The following B4GALT5 variants were observed in gnomAD, a reference collection of about 807,000 sequenced individuals.
The protein encoded by B4GALT5 is beta-1,4-galactosyltransferase 5.
B4GALT5 carries 11 observed loss-of-function variants against 45.0 expected under a neutral mutation model. The ratio of observed to expected loss-of-function variants is 0.24; its 90% CI spans 0.15 to 0.40. B4GALT5 has a LOEUF of 0.40. Ranked by LOEUF, B4GALT5 falls within the 10% of genes least tolerant of loss-of-function variation. B4GALT5 has a pLI of 1.00. For synonymous variants in B4GALT5, 185 were observed against 182.9 expected, an observed-to-expected ratio of 1.01 and a Z score of -0.09; for missense variants, 337 against 500.2, an observed-to-expected ratio of 0.67 and a Z score of 3.11.
At chr20:49,696,176 C>G (rs2085838870) in intron 1 of B4GALT5, among the ~76,000 whole-genome samples, 1 of 152,158 alleles carries the variant, frequency 6.6e-6, no homozygotes, top group African/African-American at 2.4e-5. Context: ...CTCAATCATT[C>G]AAAGTTTACT....
chr20:49,656,888 T>C (rs904816004), intron 1 of B4GALT5, among the ~76,000 whole-genome samples, 186 bp from the exon 2 acceptor site: 4 of 152,138 alleles, frequency 2.6e-5, no homozygotes, highest in Admixed American at 2.6e-4. Flanking sequence ...TTTGGGTAGC[T>C]AGTAGAGCTT....
chr20:49,682,967 A>G (rs2085770164), intron 1 of B4GALT5, among the ~76,000 whole-genome samples: 1 of 151,882 alleles, frequency 6.6e-6, no homozygotes, highest in South Asian at 2.1e-4. Flanking sequence ...GGTGGTGTGC[A>G]CCTGTAGTCC....
chr20:49,687,188 G>C (rs1024387269), intron 1 of B4GALT5, among the ~76,000 whole-genome samples: 2 of 152,172 alleles, frequency 1.3e-5, no homozygotes, highest in Admixed American at 1.3e-4. Flanking sequence ...GCACAGGACA[G>C]CCTCAACAAC....
intron 1 of B4GALT5, among the ~76,000 whole-genome samples, chr20:49,694,765 CTGCCTTTGCATA>C (rs1444982513): frequency 3.9e-5 from 6 of 152,098 alleles, no homozygotes; most frequent in African/African-American, 1.2e-4. Flanking sequence ...AACCTGAACT[CTGCCTTTGCATA>C]TGCACAATTT....
intron 7 of B4GALT5, 83 bp from the exon 8 acceptor site, chr20:49,637,525 C>A: frequency 1.0e-6 from 1 of 992,446 alleles, no homozygotes; most frequent in South Asian, 1.3e-5. Flanking sequence ...ATGTTACAAG[C>A]TTACCCTGGA....
chr20:49,674,862 A>G (rs951913165), intron 1 of B4GALT5, among the ~76,000 whole-genome samples: 6 of 152,176 alleles, frequency 3.9e-5, no homozygotes, highest in African/African-American at 1.4e-4. Context: ...ATGACTCAGA[A>G]AAGTCCATAA....
chr20:49,676,739 C>T (rs2085739099), intron 1 of B4GALT5, among the ~76,000 whole-genome samples: 1 of 152,254 alleles, frequency 6.6e-6, no homozygotes, highest in Admixed American at 6.5e-5. Context: ...AGTTGGTGAA[C>T]TGCCTCTCTG....
intron 1 of B4GALT5, among the ~76,000 whole-genome samples, chr20:49,667,808 C>T (rs1265302580): frequency 6.6e-6 from 1 of 152,170 alleles, no homozygotes; most frequent in Non-Finnish European, 1.5e-5. Context: ...ATAATGCATC[C>T]CCCAAATTTT....
At chr20:49,667,020 T>C (rs895800945) in intron 1 of B4GALT5, among the ~76,000 whole-genome samples, 1 of 152,114 alleles carries the variant, frequency 6.6e-6, no homozygotes, top group Non-Finnish European at 1.5e-5. Flanking sequence ...GAGAGGCAGG[T>C]TGTTACCATC....
intron 1 of B4GALT5, among the ~76,000 whole-genome samples, chr20:49,709,185 G>A (rs899128558): frequency 1.3e-5 from 2 of 151,908 alleles, no homozygotes; most frequent in Admixed American, 6.6e-5. Context: ...CTGAGCTCTC[G>A]GATTTTTTTT....
intron 1 of B4GALT5, among the ~76,000 whole-genome samples, chr20:49,696,160 C>A (rs1416536006): frequency 1.3e-5 from 2 of 152,218 alleles, no homozygotes; most frequent in Non-Finnish European, 2.9e-5. Context: ...TATGTCATAA[C>A]AGACTCTCAA....
At chr20:49,649,629 A>G (rs1320475066) in intron 2 of B4GALT5, among the ~76,000 whole-genome samples, 3 of 152,118 alleles carry the variant, frequency 2.0e-5, no homozygotes, top group Non-Finnish European at 2.9e-5. Flanking sequence ...CTTAAAGATA[A>G]TATTTACACA....
intron 1 of B4GALT5, among the ~76,000 whole-genome samples, chr20:49,703,484 C>T (rs1026737756): frequency 2.0e-5 from 3 of 152,078 alleles, no homozygotes; most frequent in South Asian, 2.1e-4. Flanking sequence ...ATCCTAGGCA[C>T]AAGGAAATTA....
At chr20:49,674,927 A>C (rs1380057325) in intron 1 of B4GALT5, among the ~76,000 whole-genome samples, 1 of 152,144 alleles carries the variant, frequency 6.6e-6, no homozygotes, top group East Asian at 1.9e-4. Flanking sequence ...CTCTACCCAC[A>C]ATGGACAGTT....
intron 2 of B4GALT5, among the ~76,000 whole-genome samples, chr20:49,648,389 G>C (rs1479463422): frequency 6.6e-6 from 1 of 152,172 alleles, no homozygotes; most frequent in East Asian, 1.9e-4. Context: ...GCTCTTGCCA[G>C]GATGGGGAAA....
At chr20:49,640,743 T>C in intron 5 of B4GALT5, 78 bp from the exon 6 acceptor site, 1 of 1,403,852 alleles carries the variant, frequency 7.1e-7, no homozygotes, top group African/African-American at 1.5e-5. Context: ...TAAAGACGAG[T>C]TTATTAGAAC....
intron 1 of B4GALT5, among the ~76,000 whole-genome samples, chr20:49,701,819 AATCC>A (rs2085863184): frequency 6.6e-6 from 1 of 152,150 alleles, no homozygotes. Context: ...TCATGCCTGT[AATCC>A]CAGCACTTTG....
chr20:49,678,703 A>C (rs2085750257), intron 1 of B4GALT5, among the ~76,000 whole-genome samples: 1 of 152,214 alleles, frequency 6.6e-6, no homozygotes, highest in South Asian at 2.1e-4. Context: ...AATCAATATT[A>C]AGGGTTAAAA....
At chr20:49,706,418 T>C (rs532072533) in intron 1 of B4GALT5, among the ~76,000 whole-genome samples, 101 of 152,288 alleles carry the variant, frequency 6.6e-4, no homozygotes, top group African/African-American at 2.3e-3. Flanking sequence ...ATTCTCAACT[T>C]TGGGCAAGTT....
Sources: gnomAD v4.1 joint callset for allele counts (sites outside exome capture counted in the v4.1 genomes callset) on GRCh38, gnomAD v4.1.1 for gene constraint, MANE v1.5 for transcripts, NCBI Gene and HGNC (gene_info 2026-07-23, HGNC 2026-07-21) for gene names.